PCLAF: variants seen among roughly 807,000 people sequenced by gnomAD.
PCLAF encodes PCNA-associated factor.
PCLAF carries 12 observed loss-of-function variants against 15.1 expected under a neutral mutation model. The observed-to-expected ratio is 0.79, with a 90% CI of 0.51 to 1.29. PCLAF has a LOEUF of 1.29. Ranked by LOEUF, PCLAF falls within the 50% of genes most tolerant of loss-of-function variation. The probability of loss-of-function intolerance (pLI) is 0.00; values close to 1 mark genes in which losing one functional copy is unlikely to be tolerated. For synonymous variants in PCLAF, 33 were observed against 47.1 expected, an observed-to-expected ratio of 0.70 and a Z score of 1.22; for missense variants, 116 against 130.9, an observed-to-expected ratio of 0.89 and a Z score of 0.56.
intron 3 of PCLAF, among the ~76,000 whole-genome samples, chr15:64,375,556 G>A (rs142360955): frequency 1.3e-5 from 2 of 151,954 alleles, no homozygotes; most frequent in East Asian, 1.9e-4. Flanking sequence ...GATTATAGGC[G>A]GCGCCGCCAC....
rs996150693 is a variant in PCLAF, at chr15:64,365,184, A to T, written c.*846T>A. 1 of 150,590 alleles carries T rather than the reference A, an allele frequency of 6.6e-6. No homozygotes were observed. The highest frequency in any genetic ancestry group is 2.4e-5 in the African/African-American group (1 of 40,868). The allele number at this position is 150,590 out of a possible 1,614,324, so 9.3% of individuals were successfully genotyped here. A position where few individuals can be genotyped will look rare whatever the true frequency, so the allele number is the denominator to read the frequency against. ...CGCCCGGCTAATTTTTTGTATTTTTAGTAGAGACGGGGTTTCACCTTGTTA... is the reference window on the plus strand; with the variant it reads ...CGCCCGGCTAATTTTTTGTATTTTTTGTAGAGACGGGGTTTCACCTTGTTA... On this transcript the variant is annotated 3_prime_UTR_variant, in exon 4 of 4. Transcript: ENST00000300035.
Position 64,380,831 on chromosome 15 carries a change from C to G in PCLAF, c.127+127G>C, listed in dbSNP as rs899772938. The stretch of plus-strand genomic sequence containing the variant: ...CCTAGCCGGCCAAAAGGCCCAGCCT[C>G]TCTTATTATATCACAGGGCAAGGAA... On this transcript the variant is annotated intron_variant, in intron 2 of 3. Transcript: ENST00000300035. 5.3e-6 allele frequency: 4 copies of G among 758,266 alleles called. No individual in the cohort carries two copies. In the African/African-American group the frequency reaches 7.0e-5, roughly 13 times the overall value. 47.0% of individuals were successfully genotyped at this position (758,266 alleles called of 1,614,324 possible).
At chr15:64,373,521 CA>C in intron 3 of PCLAF, 1 of 1,116,742 alleles carries the variant, frequency 9.0e-7, no homozygotes, top group Non-Finnish European at 1.2e-6. Flanking sequence ...TGTAGAAGGG[CA>C]AGCAAGACCA....
exon 1 of PCLAF, chr15:64,387,574 C>G (rs1899975752): frequency 1.5e-6 from 2 of 1,367,212 alleles, no homozygotes; most frequent in Non-Finnish European, 1.9e-6. Context: ...TAGGCACTTG[C>G]ACTGTCTTCT....
upstream of PCLAF, among the ~76,000 whole-genome samples, chr15:64,384,074 G>A (rs1307628635): frequency 1.3e-5 from 2 of 152,032 alleles, no homozygotes; most frequent in African/African-American, 4.8e-5. Context: ...AAATTTCAAA[G>A]GCCTAGGGCA....
At chr15:64,371,774 T>A (rs1899325261) in intron 3 of PCLAF, among the ~76,000 whole-genome samples, 1 of 152,140 alleles carries the variant, frequency 6.6e-6, no homozygotes, top group East Asian at 1.9e-4. Flanking sequence ...TTTTTGTATT[T>A]TTAGTAGAGA....
chr15:64,366,195 C>T (rs1344558107), intron 3 of PCLAF, 120 bp from the exon 4 acceptor site: 2 of 548,354 alleles, frequency 3.6e-6, no homozygotes, highest in Non-Finnish European at 6.0e-6. Context: ...GGTCTAATGA[C>T]TAGAAATGAA....
intron 2 of PCLAF, among the ~76,000 whole-genome samples, chr15:64,377,196 A>G (rs1416664200): frequency 6.6e-6 from 1 of 151,640 alleles, no homozygotes; most frequent in Non-Finnish European, 1.5e-5. Context: ...TGCCGGGTCC[A>G]GTGGCTCACG....
chr15:64,381,080 G>C, intron 1 of PCLAF, 42 bp from the exon 2 acceptor site: 1 of 1,584,584 alleles, frequency 6.3e-7, no homozygotes, highest in Non-Finnish European at 8.7e-7. Flanking sequence ...AGGGGCAGGA[G>C]GGTTCCGACA....
chr15:64,366,160 CATTA>C, intron 3 of PCLAF, 85 bp from the exon 4 acceptor site: 2 of 954,394 alleles, frequency 2.1e-6, no homozygotes, highest in Non-Finnish European at 3.2e-6. Context: ...AAATCAGGAA[CATTA>C]ATTAACAGTG....
chr15:64,367,118 G>A (rs1287162641), intron 3 of PCLAF, among the ~76,000 whole-genome samples: 3 of 151,066 alleles, frequency 2.0e-5, no homozygotes, highest in Non-Finnish European at 4.4e-5. Context: ...GCAGGTCTCT[G>A]TGTCAATAAA....
intron 3 of PCLAF, among the ~76,000 whole-genome samples, chr15:64,375,471 C>T (rs938359290): frequency 6.6e-6 from 1 of 151,872 alleles, no homozygotes; most frequent in South Asian, 2.1e-4. Context: ...AGTACAGTGG[C>T]GGGATCTCGG....
rs187148997 is a variant in PCLAF at position 64,379,474 on chromosome 15, C to T, written c.127+1484G>A. Among the ~76,000 whole-genome samples, 1,012 of 149,508 alleles carry T rather than the reference C, an allele frequency of 6.8e-3. 7 individuals carry two copies. The highest frequency in any genetic ancestry group is 9.3e-3 in the Non-Finnish European group (629 of 67,620). On this transcript the variant is annotated intron_variant, in intron 2 of 3. Transcript: ENST00000300035. ...CAAGCCTGGGCAACAGAGTGAGACC[C>T]TGTCTCAAAAAAAAAAAAGAAAAAA... is the stretch of plus-strand genomic sequence containing the variant.
intron 2 of PCLAF, among the ~76,000 whole-genome samples, chr15:64,380,562 G>A (rs755256508): frequency 1.3e-5 from 2 of 151,914 alleles, no homozygotes; most frequent in Admixed American, 6.6e-5. Context: ...AAAAAAGCCC[G>A]GCGTGGTGGC....
At position 64,365,877 on chromosome 15, in the gene PCLAF, A is replaced by T; in HGVS notation, c.*153T>A. ...TTAGTCTTACAAATTCTCAAATTTC[A>T]CAACTACTTTTGAACATCTAAATTT... is the stretch of plus-strand genomic sequence containing the variant. On this transcript the variant is annotated 3_prime_UTR_variant, in exon 4 of 4. Transcript: ENST00000300035. 1 of 651,892 alleles carries T rather than the reference A, an allele frequency of 1.5e-6. No homozygotes were observed. 40.4% of individuals were successfully genotyped at this position (651,892 alleles called of 1,614,324 possible). A position where few individuals can be genotyped will look rare whatever the true frequency, so the allele number is the denominator to read the frequency against.
chr15:64,369,774 T>C (rs148473073), intron 3 of PCLAF, among the ~76,000 whole-genome samples: 2 of 152,298 alleles, frequency 1.3e-5, no homozygotes, highest in African/African-American at 4.8e-5. Context: ...AAATACTTTG[T>C]TTTAATTACT....
At chr15:64,380,870 G>A (rs1406935243) in intron 2 of PCLAF, 88 bp downstream of exon 2, 8 of 1,130,118 alleles carry the variant, frequency 7.1e-6, no homozygotes, top group African/African-American at 1.5e-5. Context: ...ATTCGGGCGT[G>A]AGTACCTCAA....
chr15:64,376,930 T>C, intron 2 of PCLAF, 25 bp from the exon 3 acceptor site: 1 of 1,596,144 alleles, frequency 6.3e-7, no homozygotes, highest in Non-Finnish European at 8.6e-7. Context: ...CAGATGGAAC[T>C]AGATAAGTGC....
At chr15:64,384,111 T>C (rs1899887699), upstream of PCLAF, among the ~76,000 whole-genome samples, 1 of 152,148 alleles carries the variant, frequency 6.6e-6, no homozygotes, top group African/African-American at 2.4e-5. Flanking sequence ...TATGTATCAA[T>C]ACAATTTCTG....
Sources: gnomAD v4.1 joint callset for allele counts (sites outside exome capture counted in the v4.1 genomes callset) on GRCh38, gnomAD v4.1.1 for gene constraint, MANE v1.5 for transcripts, NCBI Gene and HGNC (gene_info 2026-07-23, HGNC 2026-07-21) for gene names.